CFAP92: variants seen among roughly 807,000 people sequenced by gnomAD.
CFAP92 encodes the protein uncharacterized protein CFAP92.
In CFAP92, 86 loss-of-function variants were observed where a neutral mutation model predicts 106.3. The ratio of observed to expected loss-of-function variants is 0.81; its 90% CI spans 0.68 to 0.97. CFAP92 has a LOEUF of 0.97. Ranked by LOEUF, CFAP92 falls within the 50% of genes least tolerant of loss-of-function variation. The pLI is 0.00. For missense variants in CFAP92, 1,204 were observed against 1,283.8 expected (o/e 0.94, Z 0.95); for synonymous variants, 477 against 506.4 (o/e 0.94, Z 0.78).
intron 15 of CFAP92, 48 bp downstream of exon 15, chr3:128,915,071 C>T: frequency 6.6e-7 from 1 of 1,518,842 alleles, no homozygotes; most frequent in Non-Finnish European, 8.8e-7. Flanking sequence ...GAGCTCCTGC[C>T]TGCCCACGGC....
chr3:128,925,750 A>T (rs1378481832), intron 12 of CFAP92, among the ~76,000 whole-genome samples: 1 of 152,204 alleles, frequency 6.6e-6, no homozygotes, highest in Non-Finnish European at 1.5e-5. Flanking sequence ...ACACCTACAA[A>T]CATCATCATA....
chr3:128,939,234 G>C (rs916336482), intron 10 of CFAP92, among the ~76,000 whole-genome samples: 1 of 152,054 alleles, frequency 6.6e-6, no homozygotes, highest in Admixed American at 6.5e-5. Flanking sequence ...TGTCTCCTGG[G>C]CTCAAGCAAT....
chr3:128,980,307 C>T (rs1311305012), intron 4 of CFAP92, among the ~76,000 whole-genome samples: 2 of 143,106 alleles, frequency 1.4e-5, no homozygotes, highest in Non-Finnish European at 3.0e-5. Context: ...GTCAAGGCTA[C>T]AGTGAGCCAT....
chr3:128,935,861 A>T (rs1042826005), intron 10 of CFAP92, among the ~76,000 whole-genome samples: 6 of 152,274 alleles, frequency 3.9e-5, no homozygotes, highest in Admixed American at 2.6e-4. Context: ...CTATACTAAG[A>T]TAAAAATAAT....
chr3:128,945,439 G>C lies in CFAP92; in HGVS notation c.1890C>G (p.Ser630=). The change falls in exon 10 of 16, where the codon TCC becomes TCG. Residue 630 remains serine (S), a synonymous_variant. Transcript: ENST00000645291. The part of the protein sequence containing the change: ...MPRGNYLEAD[S]QLKLRVDIAV... ...CGATGTCCACTCGCAACTTGAGCTG[G>C]GAGTCAGCCTCTAGGTAGTTGCCCC... The C allele has an allele frequency of 6.5e-7, 1 of 1,536,184 alleles. No homozygotes were observed. Among genetic ancestry groups the C allele is most frequent in the Non-Finnish European group, 8.7e-7 (1 of 1,146,918 alleles).
Position 128,923,619 on chromosome 3 carries a change from C to T in CFAP92, c.2752-7348G>A, listed in dbSNP as rs187360780. On this transcript the variant is annotated intron_variant, in intron 12 of 15. Coordinates refer to ENST00000645291, the MANE Select transcript of CFAP92 (RefSeq NM_001394090.1). ...TATGTAAGAAGCATTCAAACCAGAG[C>T]GACTACATTTTGAATAAGGGCTAAG... 7.2e-5 allele frequency among the ~76,000 whole-genome samples: 11 copies of T among 152,300 alleles called. No homozygotes were observed. In the East Asian group the frequency reaches 1.2e-3, roughly 16 times the overall value.
intron 10 of CFAP92, among the ~76,000 whole-genome samples, chr3:128,938,547 A>G (rs1052387275): frequency 8.1e-5 from 12 of 148,422 alleles, no homozygotes; most frequent in South Asian, 2.1e-4. Context: ...AGGCTGGAGT[A>G]CAGTGGCGCG....
At chr3:129,002,504 C>G (rs1044589389) in intron 1 of CFAP92, 40 of 1,233,674 alleles carry the variant, frequency 3.2e-5, no homozygotes, top group Non-Finnish European at 4.1e-5. Flanking sequence ...CCATTCCACT[C>G]CAGTCCCCAA....
At position 128,994,075 on chromosome 3, in the gene CFAP92, C is replaced by CT. The variant is rs1944383065; in HGVS notation, c.-129dup. Reference sequence around the variant, plus strand: ...CCACCTGGGCGAAGAGACTCCAAGACTGAGAGGAGCGTCCGCCGGTGCAGG... The same window carrying CT: ...CCACCTGGGCGAAGAGACTCCAAGACTTGAGAGGAGCGTCCGCCGGTGCAGG... On this transcript the variant is annotated 5_prime_UTR_variant, in exon 1 of 16. Transcript: ENST00000645291. The CT allele has an allele frequency of 1.1e-5, 11 of 985,804 alleles. No individual in the cohort carries two copies. Among genetic ancestry groups the CT allele is most frequent in the African/African-American group, 1.7e-5 (1 of 57,260 alleles). The allele number at this position is 985,804 out of a possible 1,614,324, so 61.1% of individuals were successfully genotyped here. A position where few individuals can be genotyped will look rare whatever the true frequency, so the allele number is the denominator to read the frequency against.
intron 7 of CFAP92, among the ~76,000 whole-genome samples, chr3:128,975,126 A>C (rs557261109): frequency 7.0e-6 from 1 of 142,844 alleles, no homozygotes; most frequent in Non-Finnish European, 1.5e-5. Flanking sequence ...TCTCAAAAAA[A>C]ATAAAATAAA....
chr3:128,918,121 C>T (rs1343271163), intron 12 of CFAP92, among the ~76,000 whole-genome samples: 1 of 152,154 alleles, frequency 6.6e-6, no homozygotes, highest in East Asian at 1.9e-4. Context: ...TCCAAGCAAA[C>T]TAATTGTGAG....
chr3:128,938,491 CTTTTTTTTTT>C (rs11361650), intron 10 of CFAP92, among the ~76,000 whole-genome samples: 1 of 135,828 alleles, frequency 7.4e-6, no homozygotes, highest in African/African-American at 2.8e-5. Context: ...CTTCACCATT[CTTTTTTTTTT>C]TTTTTTTTAA....
At chr3:128,931,053 G>A (rs1472012293) in intron 12 of CFAP92, among the ~76,000 whole-genome samples, 1 of 152,120 alleles carries the variant, frequency 6.6e-6, no homozygotes, top group Non-Finnish European at 1.5e-5. Flanking sequence ...TTACAAGTGT[G>A]CACCACGACA....
chr3:128,986,949 T>A (rs1308139096), intron 4 of CFAP92, among the ~76,000 whole-genome samples: 1 of 152,094 alleles, frequency 6.6e-6, no homozygotes, highest in Non-Finnish European at 1.5e-5. Flanking sequence ...TCACCTGAGG[T>A]CAGGAGTTCG....
upstream of CFAP92, among the ~76,000 whole-genome samples, chr3:128,999,101 C>T (rs150240959): frequency 8.3e-4 from 127 of 152,292 alleles, no homozygotes; most frequent in African/African-American, 3.0e-3. Flanking sequence ...TCAAACAATA[C>T]TGAACTGACT....
chr3:128,985,375 G>T (rs1943787605), intron 4 of CFAP92, among the ~76,000 whole-genome samples: 1 of 152,136 alleles, frequency 6.6e-6, no homozygotes, highest in African/African-American at 2.4e-5. Flanking sequence ...GAGGCAGGAG[G>T]AATCACTTGA....
At chr3:128,918,498 ACT>A (rs1937003626) in intron 12 of CFAP92, among the ~76,000 whole-genome samples, 1 of 152,004 alleles carries the variant, frequency 6.6e-6, no homozygotes, top group Non-Finnish European at 1.5e-5. Flanking sequence ...AAGTCACAAA[ACT>A]CTTTGGAGAA....
At chr3:128,916,841 C>A (rs921299267) in intron 12 of CFAP92, among the ~76,000 whole-genome samples, 6 of 151,994 alleles carry the variant, frequency 3.9e-5, no homozygotes, top group African/African-American at 1.5e-4. Context: ...GGCTGGGACC[C>A]AAAACAAGGG....
At chr3:129,017,799 C>T in the CFAP92 span, among the ~76,000 whole-genome samples, 1 of 152,194 alleles carries the variant, frequency 6.6e-6, no homozygotes, top group African/African-American at 2.4e-5. Context: ...GTGACAGGCT[C>T]ACTTCACTCA....
Sources: gnomAD v4.1 joint callset for allele counts (sites outside exome capture counted in the v4.1 genomes callset) on GRCh38, gnomAD v4.1.1 for gene constraint, MANE v1.5 for transcripts, NCBI Gene and HGNC (gene_info 2026-07-23, HGNC 2026-07-21) for gene names.